STK33: variants seen among roughly 807,000 people sequenced by gnomAD.
STK33 encodes the protein serine/threonine kinase 33.
In STK33, 52 loss-of-function variants were observed where a neutral mutation model predicts 58.0. The ratio of observed to expected loss-of-function variants is 0.90; its 90% confidence interval spans 0.72 to 1.13. The LOEUF (loss-of-function observed/expected upper bound fraction) is 1.13. Among genes scored for constraint, STK33 ranks in the 50% most tolerant of loss-of-function variants. The pLI, the probability that STK33 is intolerant of heterozygous loss-of-function variation, is 0.00. For synonymous variants in STK33, 215 were observed against 200.1 expected, an observed-to-expected ratio of 1.07 and a Z score of -0.63; for missense variants, 630 against 604.2, an observed-to-expected ratio of 1.04 and a Z score of -0.45.
chr11:8,557,301 AG>A (rs1956829495), intron 1 of STK33, among the ~76,000 whole-genome samples: 3 of 89,196 alleles, frequency 3.4e-5, no homozygotes, highest in South Asian at 4.8e-4. Flanking sequence ...AGAGAAGAGG[AG>A]AGGGAGGAGG....
chr11:8,335,692 A>T, the STK33 span, among the ~76,000 whole-genome samples: 1 of 152,248 alleles, frequency 6.6e-6, no homozygotes, highest in Non-Finnish European at 1.5e-5. Flanking sequence ...TTTAAAAAGG[A>T]TTAATTTTAA....
the STK33 span, among the ~76,000 whole-genome samples, chr11:8,356,936 G>C: frequency 6.6e-6 from 1 of 152,208 alleles, no homozygotes; most frequent in Admixed American, 6.5e-5. Flanking sequence ...AGTTGGCCCT[G>C]AGCTAGAGGA....
the STK33 span, among the ~76,000 whole-genome samples, chr11:8,343,778 G>A: frequency 6.6e-6 from 1 of 151,936 alleles, no homozygotes; most frequent in Non-Finnish European, 1.5e-5. Flanking sequence ...ACCATGCCTT[G>A]ACCCTCTGGT....
intron 14 of STK33, among the ~76,000 whole-genome samples, chr11:8,415,228 T>C (rs1203178327): frequency 6.6e-6 from 1 of 152,134 alleles, no homozygotes; most frequent in East Asian, 1.9e-4. Context: ...CATCTAAGTC[T>C]GCAATACCAG....
intron 1 of STK33, among the ~76,000 whole-genome samples, chr11:8,519,300 A>G (rs1248209920): frequency 1.3e-5 from 2 of 152,246 alleles, no homozygotes; most frequent in East Asian, 1.9e-4. Context: ...CAATGAGAAC[A>G]AAGACACAAC....
chr11:8,460,134 T>C (rs1305730599), intron 8 of STK33, among the ~76,000 whole-genome samples: 1 of 152,148 alleles, frequency 6.6e-6, no homozygotes, highest in Admixed American at 6.5e-5. Context: ...GAATAATCAT[T>C]AGAATATTAA....
intron 1 of STK33, among the ~76,000 whole-genome samples, chr11:8,577,887 C>G (rs889359414): frequency 5.3e-5 from 8 of 152,054 alleles, no homozygotes; most frequent in African/African-American, 1.9e-4. Context: ...TATATGGTAA[C>G]TTTCCTGAGC....
At chr11:8,509,442 G>C (rs182290754) in intron 1 of STK33, among the ~76,000 whole-genome samples, 1 of 152,118 alleles carries the variant, frequency 6.6e-6, no homozygotes, top group Admixed American at 6.5e-5. Flanking sequence ...CTTATTAAAC[G>C]TTTTCCAGCA....
intron 1 of STK33, among the ~76,000 whole-genome samples, chr11:8,537,241 A>G (rs1226501070): frequency 6.6e-6 from 1 of 151,494 alleles, no homozygotes; most frequent in South Asian, 2.1e-4. Context: ...CAGCCTCCCA[A>G]AGTGCTAGGA....
At chr11:8,402,811 C>T (rs1938343016) in intron 15 of STK33, among the ~76,000 whole-genome samples, 1 of 152,176 alleles carries the variant, frequency 6.6e-6, no homozygotes, top group Non-Finnish European at 1.5e-5. Flanking sequence ...TATCTAGAAA[C>T]ATGAACAAAT....
rs544161121 is a variant in STK33 at position 8,524,224 on chromosome 11, T to A, written c.-465-43610A>T. The stretch of plus-strand genomic sequence containing the variant: ...GCCTAGGAAAATCAGAGACCCTTAT[T>A]CACATGTTTATCTGCTGACCTTCCC... On this transcript the variant is annotated intron_variant, in intron 1 of 15. Coordinates refer to ENST00000687296, the MANE Select transcript of STK33 (RefSeq NM_001352389.2). Among the ~76,000 whole-genome samples, 9 of 152,244 alleles carry A rather than the reference T, an allele frequency of 5.9e-5. No individual in the cohort carries two copies. In the East Asian group the frequency reaches 1.7e-3, roughly 29 times the overall value.
intron 15 of STK33, among the ~76,000 whole-genome samples, chr11:8,404,295 T>C (rs184657014): frequency 4.9e-4 from 74 of 152,362 alleles, no homozygotes; most frequent in Middle Eastern, 6.8e-3. Context: ...AACTGAGGTA[T>C]AATCTATATA....
At chr11:8,445,020 G>A (rs1363101839) in intron 11 of STK33, among the ~76,000 whole-genome samples, 1 of 152,202 alleles carries the variant, frequency 6.6e-6, no homozygotes, top group Non-Finnish European at 1.5e-5. Context: ...TCCTATCCAT[G>A]AGCATGGAAT....
the STK33 span, among the ~76,000 whole-genome samples, chr11:8,357,281 G>C: frequency 6.6e-6 from 1 of 152,188 alleles, no homozygotes; most frequent in Admixed American, 6.5e-5. Context: ...CGCTGGGTCC[G>C]GCCCCCGCAA....
chr11:8,430,909 C>G (rs1171774028), intron 14 of STK33, among the ~76,000 whole-genome samples: 1 of 149,860 alleles, frequency 6.7e-6, no homozygotes, highest in African/African-American at 2.5e-5. Flanking sequence ...CTCTGTCACC[C>G]AGGTTGGAGT....
intron 7 of STK33, among the ~76,000 whole-genome samples, chr11:8,462,193 AT>A (rs1947610972): frequency 6.6e-6 from 1 of 152,066 alleles, no homozygotes; most frequent in African/African-American, 2.4e-5. Context: ...TAGCTACAAC[AT>A]GGTATCTGTC....
At chr11:8,452,085 C>T (rs1006040597) in intron 11 of STK33, among the ~76,000 whole-genome samples, 1 of 152,104 alleles carries the variant, frequency 6.6e-6, no homozygotes, top group Non-Finnish European at 1.5e-5. Flanking sequence ...TGCCTGTAAT[C>T]CCAGCTACTC....
At chr11:8,557,995 T>C (rs1956880536) in intron 1 of STK33, among the ~76,000 whole-genome samples, 1 of 152,162 alleles carries the variant, frequency 6.6e-6, no homozygotes, top group African/African-American at 2.4e-5. Flanking sequence ...TATCTCAAGA[T>C]GCAGCCCTTC....
Position 8,464,699 on chromosome 11 carries a change from T to C in STK33, c.453+10A>G. On this transcript the variant is annotated intron_variant, in intron 7 of 15. Coordinates refer to ENST00000687296, the MANE Select transcript of STK33 (RefSeq NM_001352389.2). ...TGTGCCCTCAGTAGGATGCTGCTAA[T>C]GAGCCTTACCTTTTCTTTGTTCACT... is the stretch of plus-strand genomic sequence containing the variant. 1.2e-6 allele frequency: 2 copies of C among 1,600,574 alleles called. No individual in the cohort carries two copies. The highest frequency in any genetic ancestry group is 8.6e-7 in the Non-Finnish European group (1 of 1,168,044).
Sources: allele counts gnomAD v4.1 joint callset (sites outside exome capture counted in the v4.1 genomes callset), GRCh38; gene constraint gnomAD v4.1.1; transcripts MANE v1.5; gene names NCBI Gene and HGNC (gene_info 2026-07-23, HGNC 2026-07-21).